Variants in LRRTM3 observed in about 807,000 individuals in gnomAD.
The protein encoded by LRRTM3 is leucine-rich repeat transmembrane neuronal protein 3.
A neutral mutation model predicts 44.7 loss-of-function variants in LRRTM3; 24 were observed. The ratio of observed to expected loss-of-function variants is 0.54; its 90% CI spans 0.39 to 0.76. The LOEUF is 0.76. Among genes scored for constraint, LRRTM3 ranks in the 30% least tolerant of loss-of-function variants. LRRTM3 has a pLI of 0.00. For synonymous variants in LRRTM3, 277 were observed against 278.7 expected (o/e 0.99, Z 0.06); for missense variants, 587 against 702.2 (o/e 0.84, Z 1.85).
rs551782298 is a variant in LRRTM3 at position 67,101,431 on chromosome 10, T to C, written c.*3635T>C. On this transcript the variant is annotated 3_prime_UTR_variant, in exon 3 of 3. Transcript: ENST00000361320. Reference sequence around the variant, plus strand: ...ACCATGAAATTTTTTTTACTTGTAATAATAGAGAACAATTTTCTCCATTTT... The same window carrying C: ...ACCATGAAATTTTTTTTACTTGTAACAATAGAGAACAATTTTCTCCATTTT... 1.5e-3 allele frequency among the ~76,000 whole-genome samples: 212 copies of C among 142,458 alleles called. No individual in the cohort carries two copies. Among genetic ancestry groups the C allele is most frequent in the African/African-American group, 5.5e-3 (200 of 36,344 alleles). 93.5% of individuals were successfully genotyped at this position (142,458 alleles called of 152,430 possible). A position where few individuals can be genotyped will look rare whatever the true frequency, so the allele number is the denominator to read the frequency against.
In LRRTM3 at chr10:66,927,204, T is replaced by C. The variant is rs1406798926; in HGVS notation, c.288T>C (p.His96=). 4 of 1,614,084 alleles carry C rather than the reference T, an allele frequency of 2.5e-6. No individual in the cohort carries two copies. In the African/African-American group the frequency reaches 4.0e-5, roughly 16 times the overall value. The change falls in exon 2 of 3, where the codon CAT becomes CAC. Residue 96 remains histidine, a synonymous_variant. Transcript: ENST00000361320. The surrounding 1 kb of genome is among the most constrained non-coding windows in gnomAD (Gnocchi z 4.7). ...QLTWLYLDHN[H]ISNIDENAFN... ...CCTGGCTATACCTTGACCATAACCATATCAGCAATATTGACGAAAATGCTT... is the reference window on the plus strand; with the variant it reads ...CCTGGCTATACCTTGACCATAACCACATCAGCAATATTGACGAAAATGCTT...
At chr10:66,959,916 C>T (rs1849024539) in intron 2 of LRRTM3, among the ~76,000 whole-genome samples, 1 of 152,110 alleles carries the variant, frequency 6.6e-6, no homozygotes, top group South Asian at 2.1e-4. Flanking sequence ...CACATCTATA[C>T]TCCTATGTCT....
intron 2 of LRRTM3, among the ~76,000 whole-genome samples, chr10:67,093,393 C>T (rs2131917959): frequency 6.6e-6 from 1 of 151,552 alleles, no homozygotes. Flanking sequence ...TGTTGAACAC[C>T]CTAATCTCAG....
At chr10:66,978,732 C>T (rs1044717399) in intron 2 of LRRTM3, among the ~76,000 whole-genome samples, 6 of 148,570 alleles carry the variant, frequency 4.0e-5, no homozygotes, top group African/African-American at 9.8e-5. Context: ...TTTACTAAAC[C>T]TGTCACATTA....
At chr10:66,975,952 A>G (rs1411410096) in intron 2 of LRRTM3, among the ~76,000 whole-genome samples, 3 of 152,360 alleles carry the variant, frequency 2.0e-5, no homozygotes, top group South Asian at 2.1e-4. Context: ...ATTATAGACC[A>G]ATAACTGCTT....
At chr10:67,037,279 A>G (rs2133131145) in intron 2 of LRRTM3, among the ~76,000 whole-genome samples, 1 of 152,218 alleles carries the variant, frequency 6.6e-6, no homozygotes, top group African/African-American at 2.4e-5. Context: ...CATTTAGTTT[A>G]ATGCCATCCT....
intron 2 of LRRTM3, among the ~76,000 whole-genome samples, chr10:67,082,881 C>G (rs1456182296): frequency 6.6e-6 from 1 of 152,092 alleles, no homozygotes; most frequent in African/African-American, 2.4e-5. Flanking sequence ...AGCAACTAAC[C>G]AGATTTTGTT....
intron 2 of LRRTM3, among the ~76,000 whole-genome samples, chr10:66,995,251 C>A (rs774399374): frequency 6.6e-6 from 1 of 152,140 alleles, no homozygotes; most frequent in African/African-American, 2.4e-5. Flanking sequence ...TATGACAGAA[C>A]CTTGGGTGTC....
chr10:66,969,085 T>A (rs1248524282), intron 2 of LRRTM3, among the ~76,000 whole-genome samples: 1 of 152,020 alleles, frequency 6.6e-6, no homozygotes, highest in African/African-American at 2.4e-5. Flanking sequence ...CTATTTCTTT[T>A]AAAATAACAT....
chr10:67,074,920 ACAT>A (rs1235713271), intron 2 of LRRTM3, among the ~76,000 whole-genome samples: 6 of 152,206 alleles, frequency 3.9e-5, no homozygotes, highest in Non-Finnish European at 8.8e-5. Context: ...TAACACACAG[ACAT>A]CATGCTGAAA....
intron 2 of LRRTM3, among the ~76,000 whole-genome samples, chr10:67,092,923 T>C (rs1161023262): frequency 1.3e-5 from 2 of 152,036 alleles, no homozygotes; most frequent in Non-Finnish European, 1.5e-5. Context: ...CTACTCATTA[T>C]TACAATAGCA....
At chr10:66,963,980 G>A (rs565443763) in intron 2 of LRRTM3, among the ~76,000 whole-genome samples, 2 of 152,044 alleles carry the variant, frequency 1.3e-5, no homozygotes, top group East Asian at 1.9e-4. Flanking sequence ...CCGAGTGGCT[G>A]GGTTTACAGG....
chr10:67,021,867 C>T (rs1043212470), intron 2 of LRRTM3, among the ~76,000 whole-genome samples: 23 of 152,120 alleles, frequency 1.5e-4, no homozygotes, highest in African/African-American at 5.5e-4. Context: ...GAGTGAAGTA[C>T]TAGGAGTTTG....
intron 2 of LRRTM3, among the ~76,000 whole-genome samples, chr10:67,062,144 G>A (rs1162088721): frequency 6.6e-6 from 1 of 152,046 alleles, no homozygotes; most frequent in East Asian, 1.9e-4. Flanking sequence ...CAAAGTTTGA[G>A]GCAGGTGGAT....
At chr10:67,002,328 C>T (rs1589581413) in intron 2 of LRRTM3, among the ~76,000 whole-genome samples, 1 of 152,148 alleles carries the variant, frequency 6.6e-6, no homozygotes, top group South Asian at 2.1e-4. Context: ...ACTACTAATT[C>T]TCAGAGCAGT....
chr10:67,042,723 T>C (rs1854480748), intron 2 of LRRTM3, among the ~76,000 whole-genome samples: 1 of 151,980 alleles, frequency 6.6e-6, no homozygotes, highest in Non-Finnish European at 1.5e-5. Context: ...CAAGTTTGAT[T>C]GTCATAGAAA....
At chr10:67,061,601 T>C (rs1046993977) in intron 2 of LRRTM3, among the ~76,000 whole-genome samples, 3 of 152,168 alleles carry the variant, frequency 2.0e-5, no homozygotes, top group Non-Finnish European at 4.4e-5. Flanking sequence ...CTGTGAATTG[T>C]AGCAATGTTT....
chr10:66,935,518 A>T (rs922529488), intron 2 of LRRTM3, among the ~76,000 whole-genome samples: 2 of 152,104 alleles, frequency 1.3e-5, no homozygotes, highest in African/African-American at 4.8e-5. Context: ...GTTAGGTAAC[A>T]TCACTGAATT....
intron 2 of LRRTM3, among the ~76,000 whole-genome samples, chr10:66,973,453 T>G (rs1042840965): frequency 6.6e-6 from 1 of 152,204 alleles, no homozygotes; most frequent in Non-Finnish European, 1.5e-5. Context: ...CTTAGAAGCA[T>G]TAATTTCATA....
Sources: gnomAD v4.1 joint callset for allele counts (sites outside exome capture counted in the v4.1 genomes callset) on GRCh38, gnomAD v4.1.1 for gene constraint, Gnocchi (gnomAD v3.1) non-coding constraint, MANE v1.5 for transcripts, NCBI Gene and HGNC (gene_info 2026-07-23, HGNC 2026-07-21) for gene names.